IL1RAPL1: variants seen among roughly 807,000 people sequenced by gnomAD.
The protein encoded by IL1RAPL1 is interleukin 1 receptor accessory protein like 1.
IL1RAPL1 carries 3 observed loss-of-function variants against 48.4 expected under a neutral mutation model. The observed-to-expected ratio is 0.06, with a 90% CI of 0.03 to 0.16. The LOEUF is 0.16. Among genes scored for constraint, IL1RAPL1 ranks in the 10% least tolerant of loss-of-function variants. The pLI is 1.00. For missense variants in IL1RAPL1, 349 were observed against 530.6 expected, an observed-to-expected ratio of 0.66 and a Z score of 3.36; for synonymous variants, 185 against 187.7, an observed-to-expected ratio of 0.99 and a Z score of 0.12.
At chrX:29,283,924 A>G (rs980509008) in intron 3 of IL1RAPL1, among the ~76,000 whole-genome samples, 2 of 112,852 alleles carry the variant, frequency 1.8e-5, no homozygotes, top group Admixed American at 1.9e-4. Flanking sequence ...TTCGCAGTTA[A>G]AAACCTCAGT....
chrX:29,867,804 T>C (rs1250445991), intron 6 of IL1RAPL1, among the ~76,000 whole-genome samples: 1 of 111,892 alleles, frequency 8.9e-6, no homozygotes, highest in Non-Finnish European at 1.9e-5. Flanking sequence ...CATCTGTCGA[T>C]AGTGCATGGT....
At chrX:29,850,642 C>T (rs931106665) in intron 6 of IL1RAPL1, among the ~76,000 whole-genome samples, 5 of 112,344 alleles carry the variant, frequency 4.5e-5, no homozygotes, top group African/African-American at 1.6e-4. Context: ...ACATTGCCTT[C>T]CAGAAGGAAT....
At chrX:29,723,088 C>G (rs777617687) in intron 6 of IL1RAPL1, among the ~76,000 whole-genome samples, 1 of 112,033 alleles carries the variant, frequency 8.9e-6, no homozygotes, top group African/African-American at 3.2e-5. Context: ...TATTTTCAGA[C>G]TTTTTATCAG....
intron 2 of IL1RAPL1, among the ~76,000 whole-genome samples, chrX:29,104,933 A>T (rs1334759274): frequency 8.9e-6 from 1 of 111,772 alleles, no homozygotes; most frequent in African/African-American, 3.3e-5. Flanking sequence ...TATTTCAGGA[A>T]GATATGGGGG....
chrX:28,602,307 C>T (rs1934036864), intron 1 of IL1RAPL1, among the ~76,000 whole-genome samples: 1 of 111,551 alleles, frequency 9.0e-6, no homozygotes, highest in African/African-American at 3.3e-5. Context: ...TTAAATATAA[C>T]TTCAAGGCTC....
At chrX:29,748,929 T>C (rs1928396236) in intron 6 of IL1RAPL1, among the ~76,000 whole-genome samples, 1 of 112,533 alleles carries the variant, frequency 8.9e-6, no homozygotes, top group Non-Finnish European at 1.9e-5. Context: ...TGGAGACAGA[T>C]TGATATTTTT....
At chrX:28,899,071 A>G (rs372887824) in intron 2 of IL1RAPL1, among the ~76,000 whole-genome samples, 2 of 111,432 alleles carry the variant, frequency 1.8e-5, no homozygotes, top group African/African-American at 6.5e-5. Context: ...GAAAGTTACA[A>G]TTATGGTGGA....
chrX:29,657,202 T>C (rs1005711493), intron 5 of IL1RAPL1, among the ~76,000 whole-genome samples: 1 of 111,757 alleles, frequency 8.9e-6, no homozygotes. Context: ...AAACCACTTT[T>C]AATATGTGGT....
intron 1 of IL1RAPL1, among the ~76,000 whole-genome samples, chrX:28,735,836 T>C (rs1935816833): frequency 9.0e-6 from 1 of 111,441 alleles, no homozygotes; most frequent in African/African-American, 3.3e-5. Flanking sequence ...AAGATAAAGT[T>C]TCAAACAAAT....
chrX:29,696,219 A>G (rs1286307750), intron 6 of IL1RAPL1, among the ~76,000 whole-genome samples: 2 of 111,816 alleles, frequency 1.8e-5, no homozygotes, highest in East Asian at 5.6e-4. Context: ...TTCTCCAGAC[A>G]TTGCCAAATA....
At chrX:28,668,990 A>T (rs1934916356) in intron 1 of IL1RAPL1, among the ~76,000 whole-genome samples, 1 of 111,898 alleles carries the variant, frequency 8.9e-6, no homozygotes, top group Non-Finnish European at 1.9e-5. Flanking sequence ...GGATTAAATT[A>T]GGAAACTTAA....
chrX:28,950,705 T>C lies in IL1RAPL1; in HGVS notation c.82+161280T>C, dbSNP rs773970929. On this transcript the variant is annotated intron_variant, in intron 2 of 10. Coordinates refer to ENST00000378993, the MANE Select transcript of IL1RAPL1 (RefSeq NM_014271.4). ...TAAACTAGTTCAACCATTGTGGAAGTCAGTGTGGCGATTCCTCAGGGATCT... is the reference window on the plus strand; with the variant it reads ...TAAACTAGTTCAACCATTGTGGAAGCCAGTGTGGCGATTCCTCAGGGATCT... 1.1e-4 allele frequency among the ~76,000 whole-genome samples: 12 copies of C among 108,122 alleles called. No homozygotes were observed. The South Asian group carries it at 5.0e-3, about 45-fold the overall frequency. The allele number at this position is 108,122 out of a possible 115,157, so 93.9% of individuals were successfully genotyped here.
intron 5 of IL1RAPL1, among the ~76,000 whole-genome samples, chrX:29,432,321 T>A (rs770966725): frequency 1.8e-5 from 2 of 111,612 alleles, no homozygotes; most frequent in Non-Finnish European, 3.8e-5. Context: ...CAGAAATGTC[T>A]TTCCCAAAGA....
chrX:29,502,003 G>A (rs886681581), intron 5 of IL1RAPL1, among the ~76,000 whole-genome samples: 8 of 109,970 alleles, frequency 7.3e-5, no homozygotes, highest in African/African-American at 1.7e-4. Flanking sequence ...AATTTATTTC[G>A]TCAGGGTTTT....
chrX:29,908,788 T>C (rs756203256), intron 6 of IL1RAPL1, among the ~76,000 whole-genome samples: 2 of 112,308 alleles, frequency 1.8e-5, no homozygotes, highest in African/African-American at 6.4e-5. Context: ...AATATAGGGC[T>C]TTTTAATTGG....
chrX:29,559,740 A>G (rs1393408950), intron 5 of IL1RAPL1, among the ~76,000 whole-genome samples: 5 of 111,169 alleles, frequency 4.5e-5, no homozygotes, highest in African/African-American at 1.6e-4. Context: ...AGTTATGTCT[A>G]TTTTAAGCTG....
At chrX:29,884,550 C>G (rs934721833) in intron 6 of IL1RAPL1, among the ~76,000 whole-genome samples, 16 of 111,224 alleles carry the variant, frequency 1.4e-4, no homozygotes, top group African/African-American at 5.2e-4. Context: ...GTCATCTTCT[C>G]TACTCTCCCT....
chrX:29,742,886 A>G (rs1309173251), intron 6 of IL1RAPL1, among the ~76,000 whole-genome samples: 3 of 110,919 alleles, frequency 2.7e-5, no homozygotes, highest in Non-Finnish European at 5.7e-5. Context: ...GGCATGGAGG[A>G]AGATTAAAAG....
intron 2 of IL1RAPL1, among the ~76,000 whole-genome samples, chrX:28,814,974 T>G (rs2147277991): frequency 9.0e-6 from 1 of 110,620 alleles, no homozygotes; most frequent in South Asian, 3.8e-4. Flanking sequence ...TGATCTCAAA[T>G]TTTTCTTGTA....
Sources: gnomAD v4.1 joint callset for allele counts (sites outside exome capture counted in the v4.1 genomes callset) on GRCh38, gnomAD v4.1.1 for gene constraint, MANE v1.5 for transcripts, NCBI Gene and HGNC (gene_info 2026-07-23, HGNC 2026-07-21) for gene names.